The following C11orf65 variants were observed in gnomAD, a reference collection of about 807,000 sequenced individuals.
The protein encoded by C11orf65 is chromosome 11 open reading frame 65.
In C11orf65, 38 loss-of-function variants were observed where a neutral mutation model predicts 35.3. The observed-to-expected ratio is 1.08, with a 90% CI of 0.83 to 1.41. C11orf65 has a LOEUF of 1.41. Ranked by LOEUF, C11orf65 falls within the 40% of genes most tolerant of loss-of-function variation. C11orf65 has a pLI of 0.00. For synonymous variants in C11orf65, 105 were observed against 114.4 expected, an observed-to-expected ratio of 0.92 and a Z score of 0.53; for missense variants, 370 against 367.1, an observed-to-expected ratio of 1.01 and a Z score of -0.06.
intron 2 of C11orf65, among the ~76,000 whole-genome samples, chr11:108,345,272 TG>T (rs2088181227): frequency 6.6e-6 from 1 of 152,202 alleles, no homozygotes; most frequent in Non-Finnish European, 1.5e-5. Flanking sequence ...GGAAGGGAGT[TG>T]AAGTCGGTAA....
chr11:108,427,863 C>T (rs2092928752), intron 3 of C11orf65, among the ~76,000 whole-genome samples: 1 of 88,558 alleles, frequency 1.1e-5, no homozygotes, highest in Non-Finnish European at 2.0e-5. Flanking sequence ...CAGAGTCTCG[C>T]TCTGTTGCCC....
In C11orf65 at chr11:108,365,159, T is replaced by G. The variant is rs786202343; in HGVS notation, c.226+28049A>C. ...TGTATTTACAGCAGAGGCCGGAAGA[T>G]GAAACTGAGCTTCACCCTACTCTGA... is the stretch of plus-strand genomic sequence containing the variant. On this transcript the variant is annotated intron_variant, in intron 2 of 3. Coordinates refer to the C11orf65 transcript ENST00000524755. The G allele has an allele frequency of 1.2e-6, 2 of 1,614,246 alleles. No homozygotes were observed. The highest frequency in any genetic ancestry group is 1.7e-6 in the Non-Finnish European group (2 of 1,180,040).
intron 2 of C11orf65, among the ~76,000 whole-genome samples, chr11:108,458,963 T>C (rs1279281064): frequency 6.6e-6 from 1 of 152,152 alleles, no homozygotes; most frequent in Non-Finnish European, 1.5e-5. Flanking sequence ...TCTGTGTCAG[T>C]TTTTCTAGGC....
intron 2 of C11orf65, among the ~76,000 whole-genome samples, chr11:108,441,577 G>C (rs1402427164): frequency 1.3e-5 from 2 of 152,178 alleles, no homozygotes; most frequent in Non-Finnish European, 2.9e-5. Context: ...CCCCCAGTAG[G>C]GGCAGACTGA....
intron 2 of C11orf65, among the ~76,000 whole-genome samples, chr11:108,351,739 T>A (rs2089223988): frequency 6.6e-6 from 1 of 152,250 alleles, no homozygotes; most frequent in African/African-American, 2.4e-5. Context: ...TTCCATCACA[T>A]TATGTCATCA....
At chr11:108,455,407 A>G (rs1031051010) in intron 2 of C11orf65, among the ~76,000 whole-genome samples, 5 of 152,224 alleles carry the variant, frequency 3.3e-5, no homozygotes. Context: ...TTACAAACTC[A>G]ACATACAAAA....
Position 108,447,548 on chromosome 11 carries a change from A to G in C11orf65, c.81+13931T>C, listed in dbSNP as rs1380722994. Reference sequence around the variant, plus strand: ...CCTGAATGACTACTGGGTACATAACAAAATGAAGGCAGAAATAAAGACGTT... The same window carrying G: ...CCTGAATGACTACTGGGTACATAACGAAATGAAGGCAGAAATAAAGACGTT... On this transcript the variant is annotated intron_variant, in intron 2 of 8. Transcript: ENST00000393084. Among the ~76,000 whole-genome samples the G allele has an allele frequency of 8.5e-5, 13 of 152,254 alleles. No individual in the cohort carries two copies. The East Asian group carries it at 1.2e-3, about 14-fold the overall frequency.
chr11:108,364,383 A>G (rs1565606029), intron 2 of C11orf65, among the ~76,000 whole-genome samples: 1 of 152,178 alleles, frequency 6.6e-6, no homozygotes, highest in Non-Finnish European at 1.5e-5. Context: ...CAATATCAGA[A>G]ATTCCTCATG....
At chr11:108,380,786 C>T (rs1483789071), downstream of C11orf65, among the ~76,000 whole-genome samples, 2 of 152,224 alleles carry the variant, frequency 1.3e-5, no homozygotes, top group Non-Finnish European at 2.9e-5. Context: ...CTTGTTTGGA[C>T]ATTGCAGCAA....
At chr11:108,426,316 C>A (rs1449181644) in intron 3 of C11orf65, among the ~76,000 whole-genome samples, 1 of 152,128 alleles carries the variant, frequency 6.6e-6, no homozygotes. Flanking sequence ...GACACACAAT[C>A]AATCTGCAAA....
chr11:108,408,688 T>C lies in C11orf65; in HGVS notation c.175-1539A>G, dbSNP rs868111791. Among the ~76,000 whole-genome samples, 165 of 81,480 alleles carry C rather than the reference T, an allele frequency of 2.0e-3. 2 individuals are homozygous for C. Among genetic ancestry groups the C allele is most frequent in the African/African-American group, 0.01 (154 of 15,098 alleles). 53.5% of individuals were successfully genotyped at this position (81,480 alleles called of 152,430 possible). On this transcript the variant is annotated intron_variant, in intron 3 of 8. Transcript: ENST00000393084. ...CTCTGTCTCAATAAATAAAATAAAA[T>C]AAAATAAAATAAAATAAAATAAAAT...
rs536629016 is a variant in C11orf65 at position 108,359,818 on chromosome 11, G to A, written c.227-24526C>T. Among the ~76,000 whole-genome samples the A allele has an allele frequency of 2.6e-5, 4 of 152,170 alleles. No individual in the cohort carries two copies. In the East Asian group the frequency reaches 7.7e-4, roughly 29 times the overall value. On this transcript the variant is annotated intron_variant, in intron 2 of 3. Coordinates refer to the C11orf65 transcript ENST00000524755. ...AGCAGTGTGTAGAGGGAAATTTATA[G>A]CACTAAATGCCCACAAGAGAAAGCA...
intron 2 of C11orf65, among the ~76,000 whole-genome samples, chr11:108,357,098 C>T (rs1004335561): frequency 3.3e-5 from 5 of 152,146 alleles, no homozygotes; most frequent in Middle Eastern, 3.2e-3. Flanking sequence ...GCACTGTGCG[C>T]GAACTGAAGC....
At chr11:108,420,512 A>G (rs2092800521) in intron 3 of C11orf65, among the ~76,000 whole-genome samples, 1 of 152,114 alleles carries the variant, frequency 6.6e-6, no homozygotes, top group Admixed American at 6.6e-5. Flanking sequence ...ACCTAGCATC[A>G]CTGGAAAGGG....
chr11:108,427,443 C>T (rs112754584), intron 3 of C11orf65, among the ~76,000 whole-genome samples: 2,076 of 4,200 alleles, frequency 0.49, 50 homozygotes, highest in African/African-American at 0.51. Context: ...AAAGCTCGGC[C>T]GGGCGCGGGC....
chr11:108,446,837 C>A (rs2093269585), intron 2 of C11orf65, among the ~76,000 whole-genome samples: 2 of 151,652 alleles, frequency 1.3e-5, no homozygotes, highest in South Asian at 4.2e-4. Context: ...CACAGACTGG[C>A]AAATTGGATA....
intron 2 of C11orf65, among the ~76,000 whole-genome samples, chr11:108,442,446 C>G (rs755356369): frequency 1.6e-4 from 24 of 152,052 alleles, no homozygotes; most frequent in Non-Finnish European, 3.4e-4. Context: ...CAAAACAGGC[C>G]AAAATTCAAA....
At position 108,429,130 on chromosome 11, in the gene C11orf65, G is replaced by A. The variant is rs190604403; in HGVS notation, c.174+2616C>T. Among the ~76,000 whole-genome samples the A allele has an allele frequency of 1.8e-3, 277 of 152,020 alleles. 2 individuals carry two copies. Among genetic ancestry groups the A allele is most frequent in the African/African-American group, 6.4e-3 (265 of 41,448 alleles). ...CCACTATGCTCCAGCCTGGGAGACA[G>A]AACGAGACCCTGTCTCAAAAAAAGA... On this transcript the variant is annotated intron_variant, in intron 3 of 8. Transcript: ENST00000393084.
At position 108,385,221 on chromosome 11, in the gene C11orf65, G is replaced by A. The variant is rs188432238; in HGVS notation, c.787+699C>T. The stretch of plus-strand genomic sequence containing the variant: ...CGAGTATCTGAGATTACAGACATCT[G>A]CCACCATGCACAGCTAATTTTTGTA... On this transcript the variant is annotated intron_variant, in intron 8 of 8. Transcript: ENST00000393084. 1.2e-4 allele frequency among the ~76,000 whole-genome samples: 18 copies of A among 151,988 alleles called. No homozygotes were observed. The East Asian group carries it at 3.1e-3, about 26-fold the overall frequency.
Sources: allele counts gnomAD v4.1 joint callset (sites outside exome capture counted in the v4.1 genomes callset), GRCh38; gene constraint gnomAD v4.1.1; transcripts MANE v1.5; gene names NCBI Gene and HGNC (gene_info 2026-07-23, HGNC 2026-07-21).